The following TUBA1C variants were observed in gnomAD, a reference collection of about 807,000 sequenced individuals.
The protein encoded by TUBA1C is tubulin alpha-1C chain.
In TUBA1C, 16 loss-of-function variants were observed where a neutral mutation model predicts 34.9. The observed-to-expected ratio is 0.46, with a 90% CI of 0.31 to 0.70. The LOEUF (loss-of-function observed/expected upper bound fraction) is 0.70. Among genes scored for constraint, TUBA1C ranks in the 30% least tolerant of loss-of-function variants. The pLI, the probability that TUBA1C is intolerant of heterozygous loss-of-function variation, is 0.05. For synonymous variants in TUBA1C, 177 were observed against 215.9 expected, an observed-to-expected ratio of 0.82 and a Z score of 1.58; for missense variants, 329 against 587.3, an observed-to-expected ratio of 0.56 and a Z score of 4.55.
chr12:49,270,934 G>T (rs1199285862), intron 3 of TUBA1C, among the ~76,000 whole-genome samples: 1 of 152,024 alleles, frequency 6.6e-6, no homozygotes, highest in African/African-American at 2.4e-5. Context: ...AGCCGAGATC[G>T]TGCCACTGCA....
At chr12:49,235,275 T>C (rs1463294751) in intron 1 of TUBA1C, among the ~76,000 whole-genome samples, 1 of 151,904 alleles carries the variant, frequency 6.6e-6, no homozygotes, top group Non-Finnish European at 1.5e-5. Flanking sequence ...AAATTCCCCT[T>C]CCTGTTAGTT....
chr12:49,241,710 C>T (rs1249501732), intron 1 of TUBA1C, among the ~76,000 whole-genome samples: 1 of 147,158 alleles, frequency 6.8e-6, no homozygotes, highest in East Asian at 2.1e-4. Context: ...AGTGCAATGG[C>T]GCGATCTCAG....
At chr12:49,254,109 C>T (rs1942758286) in intron 1 of TUBA1C, among the ~76,000 whole-genome samples, 1 of 151,896 alleles carries the variant, frequency 6.6e-6, no homozygotes, top group Non-Finnish European at 1.5e-5. Flanking sequence ...GTCGGGATTT[C>T]GAGACCAGCC....
rs765983260 is a variant in TUBA1C, at chr12:49,269,852, G to A, written c.251G>A (p.Arg84His). 4.1e-5 allele frequency: 66 copies of A among 1,613,516 alleles called. No homozygotes were observed. In the South Asian group the frequency reaches 4.7e-4, roughly 12 times the overall value. The change falls in exon 3 of 4, where the codon CGC (arginine) becomes CAC (histidine). Residue 84 changes from arginine (R) to histidine (H), a missense_variant. Around this residue, in one of 4 missense-constraint regions of TUBA1C, gnomAD observed 152 missense variants for 240.3 expected, o/e 0.63. Transcript: ENST00000301072. ...VIDEVRTGTYRQLFHPEQLIT... is the reference protein window; with the variant it reads ...VIDEVRTGTYHQLFHPEQLIT... ...GATGAAGTTCGCACTGGCACTTACC[G>A]CCAGCTCTTCCACCCTGAGCAACTC...
intron 3 of TUBA1C, among the ~76,000 whole-genome samples, chr12:49,270,656 A>T (rs1942978354): frequency 6.6e-6 from 1 of 152,196 alleles, no homozygotes; most frequent in Admixed American, 6.5e-5. Context: ...TAGTCTTCCC[A>T]GCAAAACTGG....
intron 1 of TUBA1C, among the ~76,000 whole-genome samples, chr12:49,265,969 A>C (rs1368485824): frequency 5.7e-5 from 8 of 141,434 alleles, no homozygotes; most frequent in Admixed American, 1.4e-4. Context: ...AAAAAAAAAA[A>C]AAACAAAAAA....
upstream of TUBA1C, among the ~76,000 whole-genome samples, chr12:49,262,341 C>G (rs1290432176): frequency 7.7e-6 from 1 of 129,092 alleles, no homozygotes; most frequent in Non-Finnish European, 1.6e-5. Flanking sequence ...TGCTTGAGCC[C>G]AAAAAGTCGA....
chr12:49,271,393 C>T (rs1435952966), intron 3 of TUBA1C, among the ~76,000 whole-genome samples: 1 of 152,164 alleles, frequency 6.6e-6, no homozygotes, highest in Non-Finnish European at 1.5e-5. Context: ...CCCCAACAAC[C>T]TGAGGTCTCA....
chr12:49,271,516 GTACT>G (rs893000490), intron 3 of TUBA1C, among the ~76,000 whole-genome samples: 7 of 152,290 alleles, frequency 4.6e-5, no homozygotes, highest in East Asian at 3.9e-4. Flanking sequence ...ACTATGCTGA[GTACT>G]TACTTAATTC....
At chr12:49,250,204 A>G (rs551451750) in intron 1 of TUBA1C, among the ~76,000 whole-genome samples, 1 of 151,822 alleles carries the variant, frequency 6.6e-6, no homozygotes, top group South Asian at 2.1e-4. Flanking sequence ...ATCTCAAAAA[A>G]TAATAATAAT....
At chr12:49,245,328 C>T (rs188359865) in intron 1 of TUBA1C, among the ~76,000 whole-genome samples, 112 of 152,250 alleles carry the variant, frequency 7.4e-4, no homozygotes, top group Admixed American at 1.5e-3. Flanking sequence ...CAGCCAGGCA[C>T]GGTGGCTCAC....
Position 49,269,922 on chromosome 12 carries a change from C to G in TUBA1C, c.321C>G (p.His107Gln). The G allele has an allele frequency of 6.2e-7, 1 of 1,614,234 alleles. No individual in the cohort carries two copies. Among genetic ancestry groups the G allele is most frequent in the South Asian group, 1.1e-5 (1 of 91,082 alleles). Reference protein sequence around the residue: ...EDAANNYARGHYTIGKEIIDL... With the variant: ...EDAANNYARGQYTIGKEIIDL... ...CTGCCAATAACTATGCCCGAGGGCA[C>G]TACACCATTGGCAAGGAGATCATTG... is the stretch of plus-strand genomic sequence containing the variant. The change falls in exon 3 of 4, where the codon CAC (histidine) becomes CAG (glutamine). Residue 107 changes from histidine to glutamine, a missense_variant. His to Gln is a conservative substitution (Grantham distance 24). Transcript: ENST00000301072.
intron 1 of TUBA1C, among the ~76,000 whole-genome samples, chr12:49,231,282 A>T (rs903926273): frequency 2.6e-5 from 4 of 151,952 alleles, no homozygotes; most frequent in African/African-American, 9.7e-5. Flanking sequence ...CTCCTGTCTC[A>T]CCCTCCCAAG....
chr12:49,239,772 C>G (rs1942592918), intron 1 of TUBA1C, among the ~76,000 whole-genome samples: 1 of 152,008 alleles, frequency 6.6e-6, no homozygotes, highest in Non-Finnish European at 1.5e-5. Context: ...CCAGCCCTGG[C>G]AACAGAGAGA....
chr12:49,264,487 G>A (rs978928415), upstream of TUBA1C, among the ~76,000 whole-genome samples: 7 of 152,208 alleles, frequency 4.6e-5, no homozygotes, highest in African/African-American at 1.7e-4. Flanking sequence ...GGGCGCCCGC[G>A]GGCCCAGCCG....
intron 1 of TUBA1C, among the ~76,000 whole-genome samples, chr12:49,241,789 A>T (rs1190422178): frequency 3.3e-5 from 5 of 151,494 alleles, no homozygotes; most frequent in Non-Finnish European, 7.4e-5. Flanking sequence ...AGCTGGGACT[A>T]CAGGCGCACG....
At chr12:49,262,050 G>T (rs1034614457), upstream of TUBA1C, among the ~76,000 whole-genome samples, 1 of 152,072 alleles carries the variant, frequency 6.6e-6, no homozygotes, top group Admixed American at 6.6e-5. Context: ...GGGCCTTACA[G>T]AGGATCCTGT....
rs1258636526 is a variant in TUBA1C at position 49,247,269 on chromosome 12, C to G, written c.213+19103C>G. Among the ~76,000 whole-genome samples the G allele has an allele frequency of 3.3e-5, 5 of 151,452 alleles. No homozygotes were observed. The Admixed American group carries it at 3.3e-4, about 10-fold the overall frequency. ...GCCCAGGCAAGTCACTAAACAAAGA[C>G]AAACCCGCCGGACTTGGTGGCTCAT... On this transcript the variant is annotated intron_variant, in intron 1 of 3. Coordinates refer to the TUBA1C transcript ENST00000541364.
chr12:49,247,962 AAGAG>A (rs1311668275), intron 1 of TUBA1C, among the ~76,000 whole-genome samples: 61 of 147,404 alleles, frequency 4.1e-4, no homozygotes, highest in Non-Finnish European at 1.0e-4. Context: ...AAAAAAAAAA[AAGAG>A]AGAAAGAAAG....
Sources: allele counts gnomAD v4.1 joint callset (sites outside exome capture counted in the v4.1 genomes callset), GRCh38; gene constraint gnomAD v4.1.1; regional missense constraint gnomAD v4.1.1; transcripts MANE v1.5; gene names NCBI Gene and HGNC (gene_info 2026-07-23, HGNC 2026-07-21).